The following RAB8B variants were observed in gnomAD, a reference collection of about 807,000 sequenced individuals.
The protein encoded by RAB8B is RAB8B, member RAS oncogene family, also known as ras-related protein Rab-8B.
RAB8B carries 11 observed loss-of-function variants against 32.0 expected under a neutral mutation model. The observed-to-expected ratio is 0.34, with a 90% CI of 0.22 to 0.57. RAB8B has a LOEUF of 0.57. Ranked by LOEUF, RAB8B falls within the 20% of genes least tolerant of loss-of-function variation. RAB8B has a pLI of 0.86. For synonymous variants in RAB8B, 103 were observed against 89.6 expected, an observed-to-expected ratio of 1.15 and a Z score of -0.85; for missense variants, 190 against 258.5, an observed-to-expected ratio of 0.73 and a Z score of 1.82.
At chr15:63,252,501 T>C (rs1204827642) in intron 3 of RAB8B, among the ~76,000 whole-genome samples, 1 of 152,252 alleles carries the variant, frequency 6.6e-6, no homozygotes, top group Non-Finnish European at 1.5e-5. Context: ...GTTCACACTT[T>C]CTGTGCTAAC....
rs1003150660 is a variant in RAB8B, at chr15:63,265,984, A to G, written c.*2365A>G. On this transcript the variant is annotated 3_prime_UTR_variant, in exon 8 of 8. Coordinates refer to ENST00000321437, the MANE Select transcript of RAB8B (RefSeq NM_016530.3). The surrounding 1 kb of genome is among the most constrained non-coding windows in gnomAD (Gnocchi z 4.9). Reference sequence around the variant, plus strand: ...TGCTAGATTGTATATACATTGAGCTAAGACCTTAGGAAATTCACTTTCTGC... The same window carrying G: ...TGCTAGATTGTATATACATTGAGCTGAGACCTTAGGAAATTCACTTTCTGC... 3 of 152,594 alleles carry G rather than the reference A, an allele frequency of 2.0e-5. No individual in the cohort carries two copies. The highest frequency in any genetic ancestry group is 1.3e-4 in the Admixed American group (2 of 15,280). The allele number at this position is 152,594 out of a possible 1,614,324, so 9.5% of individuals were successfully genotyped here. A position where few individuals can be genotyped will look rare whatever the true frequency, so the allele number is the denominator to read the frequency against.
chr15:63,206,944 C>T (rs1211256833), intron 1 of RAB8B, among the ~76,000 whole-genome samples: 2 of 152,110 alleles, frequency 1.3e-5, no homozygotes, highest in Admixed American at 6.5e-5. Context: ...CTTGGCCTCT[C>T]ATCAGCATTT....
At chr15:63,233,305 C>G (rs1440545066) in intron 1 of RAB8B, among the ~76,000 whole-genome samples, 1 of 151,848 alleles carries the variant, frequency 6.6e-6, no homozygotes, top group Non-Finnish European at 1.5e-5. Context: ...CTCAAGTGAT[C>G]CTCCCACCTC....
At chr15:63,190,013 G>A (rs1047152050) in intron 1 of RAB8B, among the ~76,000 whole-genome samples, 2 of 150,862 alleles carry the variant, frequency 1.3e-5, no homozygotes, top group African/African-American at 4.9e-5. Flanking sequence ...AGGACTAGGG[G>A]TATTGGGGGA....
intron 1 of RAB8B, among the ~76,000 whole-genome samples, chr15:63,208,632 G>GC (rs1243083697): frequency 6.6e-6 from 1 of 151,870 alleles, no homozygotes; most frequent in Non-Finnish European, 1.5e-5. Context: ...CTACTGCTCT[G>GC]CCCAGAATGG....
intron 1 of RAB8B, among the ~76,000 whole-genome samples, chr15:63,195,551 C>G (rs2037592893): frequency 6.6e-6 from 1 of 152,148 alleles, no homozygotes; most frequent in Non-Finnish European, 1.5e-5. Flanking sequence ...GTAAATAAGT[C>G]TAGTCTTTGA....
chr15:63,238,440 T>C (rs1220643071), intron 1 of RAB8B, among the ~76,000 whole-genome samples: 1 of 152,118 alleles, frequency 6.6e-6, no homozygotes, highest in Non-Finnish European at 1.5e-5. Context: ...GGGCTGCTCA[T>C]TGTCCCCTTT....
intron 1 of RAB8B, among the ~76,000 whole-genome samples, chr15:63,229,920 G>C (rs2037922201): frequency 6.6e-6 from 1 of 151,794 alleles, no homozygotes; most frequent in Non-Finnish European, 1.5e-5. Context: ...GAGTGTAATT[G>C]GCCATGAAGG....
intron 2 of RAB8B, among the ~76,000 whole-genome samples, chr15:63,247,957 G>A (rs902939387): frequency 1.3e-5 from 2 of 152,150 alleles, no homozygotes; most frequent in Non-Finnish European, 2.9e-5. Context: ...CCATCCATTG[G>A]TATTGAACAA....
chr15:63,249,532 T>G, intron 2 of RAB8B, 113 bp from the exon 3 acceptor site: 1 of 954,418 alleles, frequency 1.0e-6, no homozygotes. Flanking sequence ...TCTCCTTTCC[T>G]CTGTGACCAC....
chr15:63,226,893 T>C (rs2037893139), intron 1 of RAB8B, among the ~76,000 whole-genome samples: 1 of 152,132 alleles, frequency 6.6e-6, no homozygotes, highest in South Asian at 2.1e-4. Context: ...TTTTTTTAAA[T>C]GATATTGCTA....
chr15:63,263,910 T>A lies in RAB8B; in HGVS notation c.*291T>A, dbSNP rs986014328. 2 of 295,782 alleles carry A rather than the reference T, an allele frequency of 6.8e-6. No individual in the cohort carries two copies. Among genetic ancestry groups the A allele is most frequent in the Non-Finnish European group, 1.3e-5 (2 of 156,860 alleles). The allele number at this position is 295,782 out of a possible 1,614,324, so 18.3% of individuals were successfully genotyped here. A position where few individuals can be genotyped will look rare whatever the true frequency, so the allele number is the denominator to read the frequency against. ...AAGCGGTTATCTTTCTTTTTTACTT[T>A]GCACATCAGTGTTAGCCTTTCCCTA... On this transcript the variant is annotated 3_prime_UTR_variant, in exon 8 of 8. Coordinates refer to ENST00000321437, the MANE Select transcript of RAB8B (RefSeq NM_016530.3).
At chr15:63,241,882 G>A (rs750807096) in intron 1 of RAB8B, among the ~76,000 whole-genome samples, 1 of 151,878 alleles carries the variant, frequency 6.6e-6, no homozygotes, top group Non-Finnish European at 1.5e-5. Context: ...AATGAGTGAT[G>A]GAAACAGTAT....
chr15:63,227,110 G>A (rs1343322681), intron 1 of RAB8B, among the ~76,000 whole-genome samples: 1 of 152,156 alleles, frequency 6.6e-6, no homozygotes, highest in African/African-American at 2.4e-5. Context: ...GTCTTTATGA[G>A]CTTTATTTTG....
chr15:63,257,007 G>T (rs1595750888), intron 5 of RAB8B, among the ~76,000 whole-genome samples: 1 of 152,174 alleles, frequency 6.6e-6, no homozygotes, highest in Non-Finnish European at 1.5e-5. Flanking sequence ...TTTTCCCTAA[G>T]AATATTTTAC....
At chr15:63,218,051 T>G (rs2037808952) in intron 1 of RAB8B, among the ~76,000 whole-genome samples, 1 of 152,184 alleles carries the variant, frequency 6.6e-6, no homozygotes, top group Non-Finnish European at 1.5e-5. Context: ...TTCCCCTTCC[T>G]CACTTCCTTC....
Position 63,216,228 on chromosome 15 carries a change from A to T in RAB8B, c.124+26480A>T, listed in dbSNP as rs200362903. 2.4e-3 allele frequency among the ~76,000 whole-genome samples: 56 copies of T among 23,260 alleles called. 17 individuals are homozygous for T. The highest frequency in any genetic ancestry group is 0.025 in the East Asian group (2 of 80). 15.3% of individuals were successfully genotyped at this position (23,260 alleles called of 152,430 possible). Reference sequence around the variant, plus strand: ...AATTAATTAATTAATTAATTAATTAATTATTATTTTTTTTTTTGGAGACAG... The same window carrying T: ...AATTAATTAATTAATTAATTAATTATTTATTATTTTTTTTTTTGGAGACAG... On this transcript the variant is annotated intron_variant, in intron 1 of 7. Coordinates refer to ENST00000321437, the MANE Select transcript of RAB8B (RefSeq NM_016530.3).
chr15:63,214,968 C>T (rs1010093586), intron 1 of RAB8B, among the ~76,000 whole-genome samples: 4 of 152,162 alleles, frequency 2.6e-5, no homozygotes, highest in African/African-American at 9.7e-5. Flanking sequence ...CCACCTCATT[C>T]TTATGGAGTC....
At position 63,253,268 on chromosome 15, in the gene RAB8B, T is replaced by C. The variant is rs1430723689; in HGVS notation, c.247-2239T>C. ...GAAATCATCTAAAATCCCACTACTC[T>C]GAGAGATATATTCTGTTAACGTTTT... On this transcript the variant is annotated intron_variant, in intron 3 of 7. Coordinates refer to ENST00000321437, the MANE Select transcript of RAB8B (RefSeq NM_016530.3). Among the ~76,000 whole-genome samples the C allele has an allele frequency of 2.6e-5, 4 of 152,206 alleles. No homozygotes were observed. The East Asian group carries it at 7.7e-4, about 29-fold the overall frequency.
Sources: allele counts gnomAD v4.1 joint callset (sites outside exome capture counted in the v4.1 genomes callset), GRCh38; gene constraint gnomAD v4.1.1; non-coding constraint Gnocchi (gnomAD v3.1); transcripts MANE v1.5; gene names NCBI Gene and HGNC (gene_info 2026-07-23, HGNC 2026-07-21).